The following RNASEH1 variants were observed in gnomAD, a reference collection of about 807,000 sequenced individuals.
The protein encoded by RNASEH1 is ribonuclease H type II.
Under a neutral mutation model 34.6 loss-of-function variants are expected in RNASEH1, and 27 were observed. That is an observed-to-expected ratio of 0.78 (90% confidence interval 0.58 to 1.08). RNASEH1 has a LOEUF of 1.08. Among genes scored for constraint, RNASEH1 ranks in the 50% least tolerant of loss-of-function variants. RNASEH1 has a pLI of 0.00. For missense variants in RNASEH1, 349 were observed against 373.6 expected (o/e 0.93, Z 0.54); for synonymous variants, 162 against 138.4 (o/e 1.17, Z -1.20).
At chr2:3,532,366 AG>A in the RNASEH1 span, 3 of 702,192 alleles carry the variant, frequency 4.3e-6, no homozygotes, top group Non-Finnish European at 7.8e-6. Flanking sequence ...TGCCAGCCAG[AG>A]AGGGCCCGAT....
downstream of RNASEH1, among the ~76,000 whole-genome samples, chr2:3,536,552 C>G (rs963879355): frequency 6.6e-6 from 1 of 152,228 alleles, no homozygotes; most frequent in African/African-American, 2.4e-5. Flanking sequence ...TTTCTGTCCA[C>G]AGGCCCCACC....
At position 3,544,630 on chromosome 2, in the gene RNASEH1, T is replaced by G. The variant is rs1270983723; in HGVS notation, c.*1155A>C. Among the ~76,000 whole-genome samples, 1 of 152,116 alleles carries G rather than the reference T, an allele frequency of 6.6e-6. No homozygotes were observed. The highest frequency in any genetic ancestry group is 1.5e-5 in the Non-Finnish European group (1 of 68,020). On this transcript the variant is annotated 3_prime_UTR_variant, in exon 8 of 8. Coordinates refer to ENST00000315212, the MANE Select transcript of RNASEH1 (RefSeq NM_002936.6). ...TCCTGGGGTATCTGGCAAAGTACTA[T>G]TTCTTCACCAGGTGGTGGACACAAA... is the stretch of plus-strand genomic sequence containing the variant.
chr2:3,557,782 C>T (rs1660661136), intron 1 of RNASEH1: 1 of 967,174 alleles, frequency 1.0e-6, no homozygotes, highest in Non-Finnish European at 1.5e-6. Flanking sequence ...TTAGCTGGTA[C>T]GGAAAGTCTT....
rs1285095843 is a variant in RNASEH1, at chr2:3,552,312, AAAGAC to A, written c.245-9_245-5del. Reference sequence around the variant, plus strand: ...TGTCCATGTTGATTTTCATGCCCTGAAAGACAAGAGTCCACTCGTGAGCTGGAAAC... The same window carrying A: ...TGTCCATGTTGATTTTCATGCCCTGAAAGAGTCCACTCGTGAGCTGGAAAC... On this transcript the variant is annotated splice_polypyrimidine_tract_variant and splice_region_variant and intron_variant, in intron 2 of 7. Coordinates refer to ENST00000315212, the MANE Select transcript of RNASEH1 (RefSeq NM_002936.6). 4 of 1,612,888 alleles carry A rather than the reference AAAGAC, an allele frequency of 2.5e-6. No individual in the cohort carries two copies. Among genetic ancestry groups the A allele is most frequent in the Non-Finnish European group, 2.5e-6 (3 of 1,179,720 alleles).
the RNASEH1 span, among the ~76,000 whole-genome samples, chr2:3,535,962 C>CTCACACA: frequency 6.6e-6 from 1 of 152,186 alleles, no homozygotes; most frequent in Non-Finnish European, 1.5e-5. Context: ...GGGGTCCAGG[C>CTCACACA]GTGAGCACTG....
chr2:3,539,668 T>C (rs1232581130), downstream of RNASEH1, among the ~76,000 whole-genome samples: 1 of 152,224 alleles, frequency 6.6e-6, no homozygotes, highest in Non-Finnish European at 1.5e-5. Flanking sequence ...TTTGTTCTGA[T>C]GACATCCTGA....
chr2:3,555,674 T>A (rs1171934353), intron 2 of RNASEH1, among the ~76,000 whole-genome samples: 1 of 152,164 alleles, frequency 6.6e-6, no homozygotes, highest in Non-Finnish European at 1.5e-5. Flanking sequence ...TAATTTGCTA[T>A]AGTAAAAAGT....
At chr2:3,555,722 T>A (rs573609990) in intron 2 of RNASEH1, among the ~76,000 whole-genome samples, 9 of 152,120 alleles carry the variant, frequency 5.9e-5, no homozygotes, top group Non-Finnish European at 1.3e-4. Context: ...CTCCTCAGTG[T>A]AGATCCAGAA....
downstream of RNASEH1, among the ~76,000 whole-genome samples, chr2:3,539,662 T>A (rs772515886): frequency 1.3e-5 from 2 of 152,210 alleles, no homozygotes; most frequent in African/African-American, 2.4e-5. Flanking sequence ...ACGTGTTTTG[T>A]TCTGATGACA....
At chr2:3,547,518 C>T (rs66903454) in intron 7 of RNASEH1, among the ~76,000 whole-genome samples, 22,205 of 150,030 alleles carry the variant, frequency 0.15, 2,074 homozygotes, top group African/African-American at 0.26. Context: ...CTTGGAGTCT[C>T]ATATCGTTGC....
Position 3,547,994 on chromosome 2 carries a change from C to G in RNASEH1, c.711G>C (p.Glu237Asp). The change falls in exon 7 of 8, where the codon GAG becomes GAC. Residue 237 changes from glutamate (E) to aspartate (D), a missense_variant. By Grantham distance (45) the Glu-to-Asp change is conservative. This residue lies in a region of RNASEH1 where 93 missense variants were observed against 132.9 expected (regional missense o/e 0.70). Coordinates refer to ENST00000315212, the MANE Select transcript of RNASEH1 (RefSeq NM_002936.6). ...KNGWKTSAGK[E>D]VINKEDFVAL... is the part of the protein sequence containing the mutation. ...CCACAAAGTCCTCTTTGTTGATCACCTCTTTCCCTGCACTTGTCTTCCACC... is the reference window on the plus strand; with the variant it reads ...CCACAAAGTCCTCTTTGTTGATCACGTCTTTCCCTGCACTTGTCTTCCACC... The G allele has an allele frequency of 6.2e-7, 1 of 1,613,814 alleles. No individual in the cohort carries two copies.
At chr2:3,550,239 C>A in intron 4 of RNASEH1, 134 bp downstream of exon 4, 2 of 744,200 alleles carry the variant, frequency 2.7e-6, no homozygotes, top group Non-Finnish European at 2.4e-6. Flanking sequence ...CGAACCAAAG[C>A]TGCTCCTCTG....
chr2:3,548,088 C>T (rs768649697), intron 6 of RNASEH1, 33 bp from the exon 7 acceptor site: 1 of 1,612,990 alleles, frequency 6.2e-7, no homozygotes, highest in African/African-American at 1.3e-5. Flanking sequence ...GTGAGTCAAT[C>T]TTGAGTGTCC....
rs1448573618 is a variant in RNASEH1, at chr2:3,550,378, A to T, written c.504T>A (p.His168Gln). ...CTCAGCTTCGTTTAACTTACAAAGG[A>T]TGGCCTGGCCCCCAGTAAACGCCGA... is the stretch of plus-strand genomic sequence containing the variant. Reference protein sequence around the residue: ...AGIGVYWGPGHPLNVGIRLPG... With the variant: ...AGIGVYWGPGQPLNVGIRLPG... The change falls in exon 4 of 8, where the codon CAT (histidine) becomes CAA (glutamine). Residue 168 changes from histidine (H) to glutamine (Q), a missense_variant. Around this residue, in one of 2 missense-constraint regions of RNASEH1, gnomAD observed 256 missense variants for 240.7 expected, o/e 1.06. Coordinates refer to ENST00000315212, the MANE Select transcript of RNASEH1 (RefSeq NM_002936.6). The T allele has an allele frequency of 6.2e-7, 1 of 1,612,342 alleles. No homozygotes were observed. Among genetic ancestry groups the T allele is most frequent in the Non-Finnish European group, 8.5e-7 (1 of 1,178,446 alleles).
At position 3,545,191 on chromosome 2, in the gene RNASEH1, G is replaced by A. The variant is rs143769964; in HGVS notation, c.*594C>T. The stretch of plus-strand genomic sequence containing the variant: ...TCTTTATGAGTCGCAGCTGTTCCTA[G>A]AGAATGGCCTAGCAGCCAGGGTCGC... On this transcript the variant is annotated 3_prime_UTR_variant, in exon 8 of 8. Transcript: ENST00000315212. The A allele has an allele frequency of 1.3e-5, 2 of 151,272 alleles. No homozygotes were observed. Among genetic ancestry groups the A allele is most frequent in the African/African-American group, 4.9e-5 (2 of 41,026 alleles). 9.4% of individuals were successfully genotyped at this position (151,272 alleles called of 1,614,324 possible).
chr2:3,535,986 C>G, the RNASEH1 span, among the ~76,000 whole-genome samples: 1 of 152,216 alleles, frequency 6.6e-6, no homozygotes, highest in South Asian at 2.1e-4. Context: ...GTCCCGGCCA[C>G]GAGAGAGCCA....
chr2:3,535,261 T>A, the RNASEH1 span, among the ~76,000 whole-genome samples: 127 of 145,904 alleles, frequency 8.7e-4, no homozygotes, highest in Middle Eastern at 0.014. Flanking sequence ...CTACTAAAAA[T>A]AAAAAAAAAA....
chr2:3,531,948 G>A, the RNASEH1 span: 1 of 317,406 alleles, frequency 3.2e-6, no homozygotes, highest in African/African-American at 2.1e-5. Context: ...CCAGGTTCAT[G>A]TACCTGCCGT....
At chr2:3,540,901 CAA>C (rs1403392000), downstream of RNASEH1, among the ~76,000 whole-genome samples, 1 of 151,872 alleles carries the variant, frequency 6.6e-6, no homozygotes, top group Non-Finnish European at 1.5e-5. Context: ...ACAGCAAAAC[CAA>C]AAAACTTATG....
Sources: gnomAD v4.1 joint callset for allele counts (sites outside exome capture counted in the v4.1 genomes callset) on GRCh38, gnomAD v4.1.1 for gene constraint, gnomAD v4.1.1 regional missense constraint, MANE v1.5 for transcripts, NCBI Gene and HGNC (gene_info 2026-07-23, HGNC 2026-07-21) for gene names.